The following PLEKHO2 variants were observed in gnomAD, a reference collection of about 807,000 sequenced individuals.
PLEKHO2 encodes the protein pleckstrin homology domain-containing family O member 2.
In PLEKHO2, 20 loss-of-function variants were observed where a neutral mutation model predicts 32.7. The observed-to-expected ratio is 0.61, with a 90% CI of 0.43 to 0.89. PLEKHO2 has a LOEUF of 0.89. Ranked by LOEUF, PLEKHO2 falls within the 40% of genes least tolerant of loss-of-function variation. The pLI, the probability that PLEKHO2 is intolerant of heterozygous loss-of-function variation, is 0.00. For synonymous variants in PLEKHO2, 247 were observed against 246.3 expected (o/e 1.00, Z -0.03); for missense variants, 568 against 621.2 (o/e 0.91, Z 0.91).
Position 64,861,512 on chromosome 15 carries a change from G to T in PLEKHO2, c.420G>T (p.Val140=). ...ACAAGAGCTGCGCCCTGGAGCATGT[G>T]ACACGGGACCGGGTGCGAGGGGGCC... ...KVDKSCALEH[V]TRDRVRGGQR... The change falls in exon 5 of 6, where the codon GTG becomes GTT. Residue 140 remains valine (V), a synonymous_variant. Transcript: ENST00000323544. The T allele has an allele frequency of 1.2e-6, 2 of 1,609,152 alleles. No individual in the cohort carries two copies. Among genetic ancestry groups the T allele is most frequent in the Non-Finnish European group, 1.7e-6 (2 of 1,178,310 alleles).
chr15:64,848,556 A>C, intron 1 of PLEKHO2, 37 bp from the exon 2 acceptor site: 1 of 1,612,876 alleles, frequency 6.2e-7, no homozygotes, highest in East Asian at 2.2e-5. Context: ...ACCCCATGGT[A>C]GCAACCCTCA....
chr15:64,860,005 T>C lies in PLEKHO2; in HGVS notation c.384+7T>C, dbSNP rs1384001950. 2 of 1,612,384 alleles carry C rather than the reference T, an allele frequency of 1.2e-6. No individual in the cohort carries two copies. The highest frequency in any genetic ancestry group is 1.7e-6 in the Non-Finnish European group (2 of 1,178,422). Reference sequence around the variant, plus strand: ...AAACAAGGCTTTCGATGAGGTGCGATGCAGTCTGTGGACATGGACAGCTCT... The same window carrying C: ...AAACAAGGCTTTCGATGAGGTGCGACGCAGTCTGTGGACATGGACAGCTCT... On this transcript the variant is annotated splice_region_variant and intron_variant, in intron 4 of 5. Transcript: ENST00000323544.
At chr15:64,855,184 G>T in intron 3 of PLEKHO2, 147 bp downstream of exon 3, 1 of 629,730 alleles carries the variant, frequency 1.6e-6, no homozygotes, top group Non-Finnish European at 2.8e-6. Flanking sequence ...GCCACCATAG[G>T]TCAGACCTTT....
intron 2 of PLEKHO2, among the ~76,000 whole-genome samples, chr15:64,851,071 C>G (rs1684043): frequency 1.3e-5 from 2 of 152,170 alleles, no homozygotes; most frequent in Non-Finnish European, 2.9e-5. Context: ...GGAGCTGCCT[C>G]GGAGAAACAC....
At position 64,865,054 on chromosome 15, in the gene PLEKHO2, T is replaced by G. The variant is rs2140346958; in HGVS notation, c.639T>G (p.Pro213=). 6.2e-7 allele frequency: 1 copy of G among 1,614,060 alleles called. No individual in the cohort carries two copies. The highest frequency in any genetic ancestry group is 8.5e-7 in the Non-Finnish European group (1 of 1,179,970). The change falls in exon 6 of 6, where the codon CCT becomes CCG. Residue 213 remains proline, a synonymous_variant. Transcript: ENST00000323544. ...LMPPTKPFLA[P]ETTSPGDRVE... ...CTCCTACCAAGCCTTTCCTAGCACC[T>G]GAGACCACCAGCCCTGGTGACAGGG...
intron 2 of PLEKHO2, among the ~76,000 whole-genome samples, chr15:64,853,237 AGT>A (rs1163228663): frequency 6.6e-6 from 1 of 150,976 alleles, no homozygotes; most frequent in Non-Finnish European, 1.5e-5. Context: ...GTAATGATTG[AGT>A]GGGGATGAGG....
chr15:64,844,395 C>T (rs1350417222), intron 1 of PLEKHO2, among the ~76,000 whole-genome samples: 1 of 152,156 alleles, frequency 6.6e-6, no homozygotes, highest in Non-Finnish European at 1.5e-5. Flanking sequence ...GGTGGGTGAT[C>T]GAGCAATGTG....
chr15:64,841,989 G>T lies in PLEKHO2; in HGVS notation c.-28G>T, dbSNP rs1404499535. Reference sequence around the variant, plus strand: ...CCGCGCGGCGCTGGAAGCGAGTGGCGGAGCGGCGGGACCTCGGCGGACTCG... The same window carrying T: ...CCGCGCGGCGCTGGAAGCGAGTGGCTGAGCGGCGGGACCTCGGCGGACTCG... On this transcript the variant is annotated 5_prime_UTR_variant, in exon 1 of 6. Transcript: ENST00000323544. The T allele has an allele frequency of 4.0e-5, 50 of 1,246,560 alleles. No individual in the cohort carries two copies. Among genetic ancestry groups the T allele is most frequent in the Non-Finnish European group, 5.0e-5 (50 of 996,022 alleles). The allele number at this position is 1,246,560 out of a possible 1,614,324, so 77.2% of individuals were successfully genotyped here.
intron 1 of PLEKHO2, among the ~76,000 whole-genome samples, chr15:64,844,827 C>T (rs545653900): frequency 6.6e-6 from 1 of 152,314 alleles, no homozygotes; most frequent in East Asian, 1.9e-4. Context: ...CTTATCTCAT[C>T]AGAGAGCTAG....
Position 64,848,655 on chromosome 15 carries a change from CAAG to C in PLEKHO2, c.80_82del (p.Lys27del), listed in dbSNP as rs2084541627. 6.2e-7 allele frequency: 1 copy of C among 1,614,038 alleles called. No individual in the cohort carries two copies. The highest frequency in any genetic ancestry group is 8.5e-7 in the Non-Finnish European group (1 of 1,180,040). On this transcript the variant is annotated inframe_deletion, in exon 2 of 6. Coordinates refer to ENST00000323544, the MANE Select transcript of PLEKHO2 (RefSeq NM_025201.5). ...AGATGGTGGACAAGGCTGGCTGGAT[CAAG>C]AAGAGCAGTGGGGGCCTCCTGGGTT...
intron 2 of PLEKHO2, among the ~76,000 whole-genome samples, chr15:64,849,244 T>C (rs1025326242): frequency 1.3e-5 from 2 of 151,358 alleles, no homozygotes; most frequent in Admixed American, 6.6e-5. Flanking sequence ...TGGGTCCTGG[T>C]TCAAGCAATT....
At chr15:64,844,775 A>G (rs1008845306) in intron 1 of PLEKHO2, among the ~76,000 whole-genome samples, 6 of 152,206 alleles carry the variant, frequency 3.9e-5, no homozygotes, top group African/African-American at 1.4e-4. Flanking sequence ...GCCCTCCCCA[A>G]ACCCTACCTT....
intron 1 of PLEKHO2, among the ~76,000 whole-genome samples, chr15:64,842,375 A>T (rs2084490581): frequency 1.5e-5 from 2 of 136,322 alleles, no homozygotes; most frequent in South Asian, 2.3e-4. Context: ...TCGGATCCTG[A>T]CTCTCTCTCT....
At chr15:64,858,485 G>A (rs1486012527) in intron 3 of PLEKHO2, among the ~76,000 whole-genome samples, 1 of 152,176 alleles carries the variant, frequency 6.6e-6, no homozygotes, top group Non-Finnish European at 1.5e-5. Flanking sequence ...AAAATGGTGA[G>A]GGAAGGAAAC....
chr15:64,859,816 G>A (rs993804900), intron 3 of PLEKHO2, 78 bp from the exon 4 acceptor site: 4 of 1,238,954 alleles, frequency 3.2e-6, no homozygotes, highest in African/African-American at 3.0e-5. Context: ...TTGGGATCTA[G>A]GTAAGGAAGC....
rs141043412 is a variant in PLEKHO2 at position 64,844,864 on chromosome 15, C to A, written c.12+2836C>A. 1.8e-3 allele frequency among the ~76,000 whole-genome samples: 267 copies of A among 152,270 alleles called. 8 individuals carry two copies. In the East Asian group the frequency reaches 0.043, roughly 25 times the overall value. The stretch of plus-strand genomic sequence containing the variant: ...ACCGGTGCATCCCTCTGGTTAAGTG[C>A]TATGTCTCTGCCAATAGGCTGGAGC... On this transcript the variant is annotated intron_variant, in intron 1 of 5. Coordinates refer to ENST00000323544, the MANE Select transcript of PLEKHO2 (RefSeq NM_025201.5).
At chr15:64,862,180 C>G (rs1165332182) in intron 5 of PLEKHO2, among the ~76,000 whole-genome samples, 2 of 151,998 alleles carry the variant, frequency 1.3e-5, no homozygotes, top group Admixed American at 6.6e-5. Flanking sequence ...ATTGTGGAGG[C>G]CTTGGTGAAG....
intron 1 of PLEKHO2, among the ~76,000 whole-genome samples, chr15:64,846,500 GT>G (rs2084523463): frequency 6.6e-6 from 1 of 152,094 alleles, no homozygotes; most frequent in Non-Finnish European, 1.5e-5. Flanking sequence ...TTTTAGTAGA[GT>G]TGGGGTTTCC....
intron 2 of PLEKHO2, among the ~76,000 whole-genome samples, chr15:64,849,237 G>A (rs1348114063): frequency 1.3e-5 from 2 of 151,958 alleles, no homozygotes; most frequent in Admixed American, 1.3e-4. Flanking sequence ...CATCTCCTGG[G>A]TCCTGGTTCA....
Sources: allele counts gnomAD v4.1 joint callset (sites outside exome capture counted in the v4.1 genomes callset), GRCh38; gene constraint gnomAD v4.1.1; transcripts MANE v1.5; gene names NCBI Gene and HGNC (gene_info 2026-07-23, HGNC 2026-07-21).